Variants in ZMYND8 observed in about 807,000 individuals in gnomAD.
ZMYND8 encodes the protein zinc finger MYND-type containing 8, also known as MYND-type zinc finger-containing chromatin reader ZMYND8.
In ZMYND8, 37 loss-of-function variants were observed where a neutral mutation model predicts 140.8. That is an observed-to-expected ratio of 0.26 (90% CI 0.20 to 0.35). The LOEUF is 0.35. Ranked by LOEUF, ZMYND8 falls within the 10% of genes least tolerant of loss-of-function variation. The pLI, the probability that ZMYND8 is intolerant of heterozygous loss-of-function variation, is 1.00. For synonymous variants in ZMYND8, 592 were observed against 597.1 expected (o/e 0.99, Z 0.12); for missense variants, 1,068 against 1,570.0 (o/e 0.68, Z 5.40).
At chr20:47,345,697 T>C (rs1247216517) in intron 2 of ZMYND8, among the ~76,000 whole-genome samples, 1 of 151,994 alleles carries the variant, frequency 6.6e-6, no homozygotes, top group African/African-American at 2.4e-5. Context: ...TTAGTAGAGA[T>C]GGGGTTTCAC....
chr20:47,239,186 G>A (rs1568957228), intron 14 of ZMYND8, 48 bp from the exon 15 acceptor site: 3 of 1,484,582 alleles, frequency 2.0e-6, no homozygotes, highest in East Asian at 2.3e-5. Context: ...ATTTCACTCA[G>A]GTTCACCTGC....
At chr20:47,222,191 T>A (rs2037063542) in intron 19 of ZMYND8, among the ~76,000 whole-genome samples, 1 of 152,214 alleles carries the variant, frequency 6.6e-6, no homozygotes, top group Non-Finnish European at 1.5e-5. Context: ...CGACATGCTA[T>A]CAGAGGCCCA....
intron 7 of ZMYND8, among the ~76,000 whole-genome samples, chr20:47,287,734 G>A (rs546146628): frequency 2.4e-4 from 36 of 152,136 alleles, no homozygotes; most frequent in Non-Finnish European, 4.1e-4. Context: ...GCTCATGCCT[G>A]TAATCCCAAC....
In ZMYND8 at chr20:47,211,043, G is replaced by A. The variant is rs536328807; in HGVS notation, c.3569-146C>T. 45 of 1,103,838 alleles carry A rather than the reference G, an allele frequency of 4.1e-5. No homozygotes were observed. The African/African-American group carries it at 6.9e-4, about 17-fold the overall frequency. 68.4% of individuals were successfully genotyped at this position (1,103,838 alleles called of 1,614,324 possible). On this transcript the variant is annotated intron_variant, in intron 22 of 22. Coordinates refer to ENST00000471951, the MANE Select transcript of ZMYND8 (RefSeq NM_001281775.3). ...AAACACTGCCACCGCTGACTGCCCT[G>A]CATCTGTGGGTCTGTAGAACAGAAA...
chr20:47,342,073 G>A (rs56321023), intron 2 of ZMYND8, among the ~76,000 whole-genome samples: 33,714 of 151,834 alleles, frequency 0.22, 5,936 homozygotes, highest in African/African-American at 0.49. Flanking sequence ...TCAGGAGGCT[G>A]AGGCAGGAGA....
chr20:47,222,614 G>A (rs1003593503), intron 19 of ZMYND8, among the ~76,000 whole-genome samples: 3 of 152,176 alleles, frequency 2.0e-5, no homozygotes, highest in African/African-American at 7.2e-5. Context: ...ACAAAAAAAG[G>A]AAAGCCGAAG....
chr20:47,351,808 G>T, intron 1 of ZMYND8: 1 of 985,264 alleles, frequency 1.0e-6, no homozygotes. Context: ...AGCTAAAATG[G>T]TAGCAGTTTG....
At chr20:47,338,275 C>T (rs1449987079) in intron 2 of ZMYND8, among the ~76,000 whole-genome samples, 2 of 152,086 alleles carry the variant, frequency 1.3e-5, no homozygotes, top group African/African-American at 4.8e-5. Context: ...GTGGCCTGGA[C>T]CTCCAGCCTT....
chr20:47,247,061 C>A (rs993008445), intron 13 of ZMYND8, among the ~76,000 whole-genome samples: 1 of 152,208 alleles, frequency 6.6e-6, no homozygotes, highest in Non-Finnish European at 1.5e-5. Context: ...AGCCTTAAAG[C>A]AGAGGTTGCA....
chr20:47,290,111 A>G, intron 7 of ZMYND8, 76 bp downstream of exon 7: 1 of 1,414,946 alleles, frequency 7.1e-7, no homozygotes, highest in Non-Finnish European at 9.7e-7. Flanking sequence ...TAAGAGCCTG[A>G]TTTTTCATGA....
chr20:47,220,175 T>C, intron 21 of ZMYND8, 83 bp downstream of exon 21: 1 of 1,194,620 alleles, frequency 8.4e-7, no homozygotes, highest in Non-Finnish European at 1.2e-6. Context: ...GAATAAACCC[T>C]TCAAATTCTC....
At chr20:47,259,755 G>A (rs2075020030) in intron 12 of ZMYND8, among the ~76,000 whole-genome samples, 1 of 152,142 alleles carries the variant, frequency 6.6e-6, no homozygotes, top group South Asian at 2.1e-4. Context: ...CAATGGGGCT[G>A]GAGTCTTTGT....
chr20:47,355,545 A>C, intron 1 of ZMYND8: 1 of 970,742 alleles, frequency 1.0e-6, no homozygotes, highest in Non-Finnish European at 1.2e-6. Flanking sequence ...AAATTTTTTT[A>C]AACAGTTACA....
chr20:47,323,136 G>C (rs2080112509), intron 2 of ZMYND8, among the ~76,000 whole-genome samples: 1 of 152,164 alleles, frequency 6.6e-6, no homozygotes, highest in Non-Finnish European at 1.5e-5. Flanking sequence ...AAGGCATCTG[G>C]CACATCAAAG....
In ZMYND8 at chr20:47,221,337, C is replaced by T; in HGVS notation, c.3394G>A (p.Glu1132Lys). 7 of 1,614,182 alleles carry T rather than the reference C, an allele frequency of 4.3e-6. No individual in the cohort carries two copies. The highest frequency in any genetic ancestry group is 5.9e-6 in the Non-Finnish European group (7 of 1,180,028). ...SASKEKETSA[E>K]KSKESGSTLD... ...ACCGAGCCACTCTCCTTGCTTTTCTCAGCTGACGTCTCCTTCTCTTTGGAG... is the reference window on the plus strand; with the variant it reads ...ACCGAGCCACTCTCCTTGCTTTTCTTAGCTGACGTCTCCTTCTCTTTGGAG... Residue 1132 changes from glutamate to lysine, a missense_variant, in exon 20 of 23, where the codon GAG (glutamate) becomes AAG (lysine). Around this residue, in one of 10 missense-constraint regions of ZMYND8, gnomAD observed 180 missense variants for 187.8 expected, o/e 0.96. Coordinates refer to ENST00000471951, the MANE Select transcript of ZMYND8 (RefSeq NM_001281775.3).
At chr20:47,333,740 A>C (rs1327312766) in intron 2 of ZMYND8, among the ~76,000 whole-genome samples, 2 of 144,546 alleles carry the variant, frequency 1.4e-5, no homozygotes, top group South Asian at 4.4e-4. Flanking sequence ...AAAAAAAAAA[A>C]AAAAAAAAAA....
chr20:47,341,545 A>G (rs2148539001), intron 2 of ZMYND8, among the ~76,000 whole-genome samples: 1 of 149,686 alleles, frequency 6.7e-6, no homozygotes, highest in Non-Finnish European at 1.5e-5. Flanking sequence ...AAAAAAAAAA[A>G]GAATCTAGAA....
chr20:47,293,362 G>C (rs1002638843), intron 5 of ZMYND8, among the ~76,000 whole-genome samples: 10 of 152,132 alleles, frequency 6.6e-5, no homozygotes, highest in Admixed American at 1.3e-4. Context: ...TTCCTGAAAA[G>C]TATTGTGATA....
At chr20:47,223,446 A>C (rs936744936) in intron 19 of ZMYND8, among the ~76,000 whole-genome samples, 1 of 151,994 alleles carries the variant, frequency 6.6e-6, no homozygotes, top group Non-Finnish European at 1.5e-5. Flanking sequence ...GCAGGGTTGC[A>C]GTGAGCCGAG....
Sources: allele counts gnomAD v4.1 joint callset (sites outside exome capture counted in the v4.1 genomes callset), GRCh38; gene constraint gnomAD v4.1.1; regional missense constraint gnomAD v4.1.1; transcripts MANE v1.5; gene names NCBI Gene and HGNC (gene_info 2026-07-23, HGNC 2026-07-21).